Variants in OPCML observed in about 807,000 individuals in gnomAD.
The protein encoded by OPCML is opioid-binding protein/cell adhesion molecule.
In OPCML, 13 loss-of-function variants were observed where a neutral mutation model predicts 37.8. The observed-to-expected ratio is 0.34, with a 90% CI of 0.22 to 0.55. The LOEUF (loss-of-function observed/expected upper bound fraction) is 0.55, where lower values mean the gene tolerates loss of function less well. OPCML is among the 20% of genes least tolerant of loss of function. OPCML has a pLI of 0.91. For missense variants in OPCML, 341 were observed against 435.6 expected, an observed-to-expected ratio of 0.78 and a Z score of 1.93; for synonymous variants, 176 against 168.8, an observed-to-expected ratio of 1.04 and a Z score of -0.33.
At chr11:133,144,740 A>T (rs931965110) in intron 1 of OPCML, among the ~76,000 whole-genome samples, 25 of 152,250 alleles carry the variant, frequency 1.6e-4, no homozygotes, top group African/African-American at 6.0e-4. Context: ...CAAGTGATCA[A>T]GTGTCTATAT....
At chr11:133,490,027 G>A (rs1396013656) in intron 1 of OPCML, among the ~76,000 whole-genome samples, 5 of 152,098 alleles carry the variant, frequency 3.3e-5, no homozygotes, top group Admixed American at 6.5e-5. Context: ...AAATAAAAGT[G>A]AAGATTTAGG....
chr11:133,521,716 G>T (rs1413746372), intron 1 of OPCML, among the ~76,000 whole-genome samples: 2 of 152,234 alleles, frequency 1.3e-5, no homozygotes, highest in Admixed American at 6.5e-5. Flanking sequence ...TTCTCTTGGA[G>T]CCTGTAAGCT....
intron 1 of OPCML, among the ~76,000 whole-genome samples, chr11:133,323,006 G>T (rs1359425797): frequency 6.6e-6 from 1 of 152,184 alleles, no homozygotes; most frequent in Non-Finnish European, 1.5e-5. Context: ...TGAAAAGAAT[G>T]CTGTTAATAT....
intron 1 of OPCML, among the ~76,000 whole-genome samples, chr11:132,959,161 T>C (rs892641247): frequency 6.6e-6 from 1 of 152,204 alleles, no homozygotes; most frequent in Admixed American, 6.5e-5. Flanking sequence ...TTAGAAGACG[T>C]TGATTCCAAG....
At chr11:133,470,824 G>T (rs2137005315) in intron 1 of OPCML, among the ~76,000 whole-genome samples, 1 of 152,324 alleles carries the variant, frequency 6.6e-6, no homozygotes. Context: ...AGCCATGTTT[G>T]TCTGCATTTC....
rs1187313521 is a variant in OPCML at position 132,978,901 on chromosome 11, A to G, written c.62-35891T>C. Among the ~76,000 whole-genome samples, 3 of 152,144 alleles carry G rather than the reference A, an allele frequency of 2.0e-5. No homozygotes were observed. In the East Asian group the frequency reaches 5.8e-4, roughly 29 times the overall value. On this transcript the variant is annotated intron_variant, in intron 1 of 7. Transcript: ENST00000524381. ...CTGCTCAGTTACCCTCTCCACTTGAATTTTTAGTAGGCATCTAAAATTGAA... is the reference window on the plus strand; with the variant it reads ...CTGCTCAGTTACCCTCTCCACTTGAGTTTTTAGTAGGCATCTAAAATTGAA...
At chr11:133,506,353 T>A (rs906398548) in intron 1 of OPCML, among the ~76,000 whole-genome samples, 1 of 152,202 alleles carries the variant, frequency 6.6e-6, no homozygotes, top group Non-Finnish European at 1.5e-5. Context: ...ACTTCCCTAG[T>A]GCCTGCAAAT....
chr11:133,064,829 A>G (rs11223350), intron 1 of OPCML: 55,293 of 152,036 alleles, frequency 0.36, 10,930 homozygotes, highest in Non-Finnish European at 0.46. Flanking sequence ...GAAGCCTGGC[A>G]TGTGCTAACG....
intron 3 of OPCML, among the ~76,000 whole-genome samples, chr11:132,548,807 C>T (rs1350084216): frequency 1.3e-5 from 2 of 152,222 alleles, no homozygotes; most frequent in Non-Finnish European, 2.9e-5. Context: ...ACGTCACTTT[C>T]TCCTTTTCTT....
chr11:132,631,937 T>C (rs1940156876), intron 3 of OPCML, among the ~76,000 whole-genome samples: 3 of 152,150 alleles, frequency 2.0e-5, no homozygotes, highest in Admixed American at 2.0e-4. Flanking sequence ...CCAGGACATC[T>C]GTGAGACCCT....
At chr11:132,511,252 T>C (rs915192385) in intron 4 of OPCML, among the ~76,000 whole-genome samples, 2 of 152,032 alleles carry the variant, frequency 1.3e-5, no homozygotes, top group East Asian at 1.9e-4. Context: ...CTGAAAGCCA[T>C]AAAACACTGT....
chr11:132,484,642 A>C (rs1350933093), intron 4 of OPCML, among the ~76,000 whole-genome samples: 1 of 152,094 alleles, frequency 6.6e-6, no homozygotes, highest in Non-Finnish European at 1.5e-5. Context: ...GGCATTATTC[A>C]CAATAGCAAA....
Position 133,004,747 on chromosome 11 carries a change from G to C in OPCML, c.62-61737C>G, listed in dbSNP as rs1035386507. 7.7e-5 allele frequency: 76 copies of C among 985,104 alleles called. 1 individual carries two copies. The highest frequency in any genetic ancestry group is 3.1e-4 in the Admixed American group (5 of 16,242). The allele number at this position is 985,104 out of a possible 1,614,324, so 61.0% of individuals were successfully genotyped here. On this transcript the variant is annotated intron_variant, in intron 1 of 7. Transcript: ENST00000524381. ...TACTGAGAAGGTTCACACCGGACGCGTGGATGGACGCTGGCTCAGAAGCGA... is the reference window on the plus strand; with the variant it reads ...TACTGAGAAGGTTCACACCGGACGCCTGGATGGACGCTGGCTCAGAAGCGA...
chr11:132,886,678 G>C (rs1430999351), intron 2 of OPCML, among the ~76,000 whole-genome samples: 1 of 152,200 alleles, frequency 6.6e-6, no homozygotes, highest in African/African-American at 2.4e-5. Context: ...GTCCATACCG[G>C]GTTCAGGAAA....
chr11:133,446,797 T>C, intron 1 of OPCML, among the ~76,000 whole-genome samples: 1 of 152,210 alleles, frequency 6.6e-6, no homozygotes, highest in East Asian at 1.9e-4. Flanking sequence ...CACACAACAT[T>C]TTGTCATTTG....
intron 1 of OPCML, among the ~76,000 whole-genome samples, chr11:133,018,224 T>C (rs1947375194): frequency 6.6e-6 from 1 of 152,242 alleles, no homozygotes; most frequent in Admixed American, 6.5e-5. Flanking sequence ...ATAATTCATC[T>C]GGAGCAAAGA....
At chr11:132,744,878 T>C (rs531816623) in intron 2 of OPCML, among the ~76,000 whole-genome samples, 1 of 151,670 alleles carries the variant, frequency 6.6e-6, no homozygotes, top group South Asian at 2.1e-4. Flanking sequence ...GAATCAACAT[T>C]CACGAGCAAG....
At chr11:133,223,231 T>C (rs902318932) in intron 1 of OPCML, among the ~76,000 whole-genome samples, 1 of 152,234 alleles carries the variant, frequency 6.6e-6, no homozygotes, top group African/African-American at 2.4e-5. Context: ...ATTTCAGATT[T>C]GGAAATGGCT....
chr11:132,906,482 T>A (rs912384414), intron 2 of OPCML, among the ~76,000 whole-genome samples: 1 of 152,160 alleles, frequency 6.6e-6, no homozygotes, highest in African/African-American at 2.4e-5. Flanking sequence ...GAGTCAAGTC[T>A]TTTTGGTAAT....
Sources: allele counts gnomAD v4.1 joint callset (sites outside exome capture counted in the v4.1 genomes callset), GRCh38; gene constraint gnomAD v4.1.1; transcripts MANE v1.5; gene names NCBI Gene and HGNC (gene_info 2026-07-23, HGNC 2026-07-21).